The following ATRNL1 variants were observed in gnomAD, a reference collection of about 807,000 sequenced individuals.
ATRNL1 encodes the protein attractin like 1.
Under a neutral mutation model 182.7 loss-of-function variants are expected in ATRNL1, and 95 were observed. The ratio of observed to expected loss-of-function variants is 0.52; its 90% CI spans 0.44 to 0.62. The LOEUF (loss-of-function observed/expected upper bound fraction) is 0.62, where lower values mean the gene tolerates loss of function less well. Ranked by LOEUF, ATRNL1 falls within the 20% of genes least tolerant of loss-of-function variation. The pLI, the probability that ATRNL1 is intolerant of heterozygous loss-of-function variation, is 0.00. For missense variants in ATRNL1, 1,471 were observed against 1,679.5 expected (o/e 0.88, Z 2.17); for synonymous variants, 576 against 568.3 (o/e 1.01, Z -0.19).
chr10:115,547,791 C>T (rs1554994264), intron 25 of ATRNL1, among the ~76,000 whole-genome samples: 1 of 152,138 alleles, frequency 6.6e-6, no homozygotes, highest in African/African-American at 2.4e-5. Context: ...ATAGAGAAAG[C>T]ACCAGTTTAT....
At chr10:115,825,699 C>G (rs1950415026) in intron 27 of ATRNL1, among the ~76,000 whole-genome samples, 1 of 152,156 alleles carries the variant, frequency 6.6e-6, no homozygotes, top group South Asian at 2.1e-4. Context: ...GCATGCCAGA[C>G]TCTCTCTGGA....
intron 18 of ATRNL1, among the ~76,000 whole-genome samples, chr10:115,323,787 CT>C (rs1201235148): frequency 6.2e-5 from 9 of 145,718 alleles, no homozygotes; most frequent in African/African-American, 1.3e-4. Flanking sequence ...ATTTTTGTCT[CT>C]TTTTTTTTCC....
chr10:115,606,274 A>G (rs1353882424), intron 26 of ATRNL1, among the ~76,000 whole-genome samples: 7 of 152,004 alleles, frequency 4.6e-5, no homozygotes, highest in Admixed American at 2.6e-4. Context: ...ATTTTCAGCA[A>G]CACACTCATA....
At chr10:115,445,551 G>GTA (rs1491013587) in intron 21 of ATRNL1, among the ~76,000 whole-genome samples, 1 of 129,992 alleles carries the variant, frequency 7.7e-6, no homozygotes, top group African/African-American at 2.9e-5. Context: ...GTGTGTGTGT[G>GTA]TACACTTACC....
chr10:115,822,891 A>G (rs539561540), intron 27 of ATRNL1, among the ~76,000 whole-genome samples: 1 of 152,294 alleles, frequency 6.6e-6, no homozygotes, highest in South Asian at 2.1e-4. Flanking sequence ...TAACTATTCC[A>G]AACAACAGAA....
rs146582920 is a variant in ATRNL1, at chr10:115,758,232, A to G, written c.3903+30877A>G. 6.8e-3 allele frequency among the ~76,000 whole-genome samples: 1,036 copies of G among 152,040 alleles called. 14 individuals carry two copies. Among genetic ancestry groups the G allele is most frequent in the African/African-American group, 0.024 (976 of 41,486 alleles). On this transcript the variant is annotated intron_variant, in intron 27 of 28. Coordinates refer to ENST00000355044, the MANE Select transcript of ATRNL1 (RefSeq NM_207303.4). Reference sequence around the variant, plus strand: ...GCGAGAAGTTGTGATCCTTTGGAGGAGGAGAGGCCTTTTGGTTTTTGGAAT... The same window carrying G: ...GCGAGAAGTTGTGATCCTTTGGAGGGGGAGAGGCCTTTTGGTTTTTGGAAT...
chr10:115,706,917 C>A (rs1946917331), intron 26 of ATRNL1, among the ~76,000 whole-genome samples: 1 of 151,820 alleles, frequency 6.6e-6, no homozygotes, highest in African/African-American at 2.4e-5. Flanking sequence ...ACTAAGCATG[C>A]TTCTATTTCA....
At chr10:115,248,923 T>TA (rs548946693) in intron 10 of ATRNL1, among the ~76,000 whole-genome samples, 298 of 152,302 alleles carry the variant, frequency 2.0e-3, no homozygotes, top group African/African-American at 6.8e-3. Context: ...GCCTTGTACA[T>TA]ACAACCTATG....
chr10:115,420,039 A>ATTTTT (rs34280609), intron 20 of ATRNL1, among the ~76,000 whole-genome samples: 1 of 127,908 alleles, frequency 7.8e-6, no homozygotes, highest in African/African-American at 2.9e-5. Flanking sequence ...TGTCTTAACA[A>ATTTTT]TTTTTTTTTT....
At chr10:115,655,535 C>G (rs1396561359) in intron 26 of ATRNL1, among the ~76,000 whole-genome samples, 1 of 152,058 alleles carries the variant, frequency 6.6e-6, no homozygotes, top group Non-Finnish European at 1.5e-5. Context: ...ATAACTACTT[C>G]TTTTGAATTT....
chr10:115,750,344 TG>T (rs1555070358), intron 27 of ATRNL1, among the ~76,000 whole-genome samples: 2 of 151,984 alleles, frequency 1.3e-5, no homozygotes, highest in South Asian at 2.1e-4. Context: ...GAAATTTAGT[TG>T]AAAAATTGGC....
intron 24 of ATRNL1, among the ~76,000 whole-genome samples, chr10:115,511,222 G>A (rs949766620): frequency 2.6e-5 from 4 of 151,712 alleles, no homozygotes; most frequent in Non-Finnish European, 5.9e-5. Flanking sequence ...ATTATCTGTT[G>A]AAAGTTTATA....
chr10:115,935,445 T>A (rs1953527133), intron 28 of ATRNL1, among the ~76,000 whole-genome samples: 1 of 152,210 alleles, frequency 6.6e-6, no homozygotes, highest in Non-Finnish European at 1.5e-5. Flanking sequence ...TGATTTCACA[T>A]CTCTACTAAG....
intron 26 of ATRNL1, among the ~76,000 whole-genome samples, chr10:115,713,694 TATCTATCTATC>T (rs1189430716): frequency 2.6e-5 from 3 of 114,582 alleles, no homozygotes; most frequent in African/African-American, 6.1e-5. Context: ...TCTATCTATC[TATCTATCTATC>T]ATCTATCTAT....
At chr10:115,516,632 A>C (rs1411195417) in intron 24 of ATRNL1, among the ~76,000 whole-genome samples, 1 of 151,758 alleles carries the variant, frequency 6.6e-6, no homozygotes, top group Admixed American at 6.6e-5. Context: ...TGTCATGGCC[A>C]ACGACCTATG....
chr10:115,564,503 G>A (rs1853953171), intron 26 of ATRNL1, among the ~76,000 whole-genome samples: 1 of 151,656 alleles, frequency 6.6e-6, no homozygotes, highest in South Asian at 2.1e-4. Context: ...TGGCAATTTG[G>A]TATTATAAAA....
intron 22 of ATRNL1, among the ~76,000 whole-genome samples, chr10:115,463,881 G>A (rs1200836195): frequency 6.6e-6 from 1 of 151,976 alleles, no homozygotes. Flanking sequence ...AACCTGTGGG[G>A]TTCTTTGAAG....
At chr10:115,437,077 A>G (rs1232769554) in intron 21 of ATRNL1, among the ~76,000 whole-genome samples, 2 of 152,026 alleles carry the variant, frequency 1.3e-5, no homozygotes, top group East Asian at 1.9e-4. Flanking sequence ...ATTTGAAGAA[A>G]TGACTTGATA....
intron 9 of ATRNL1, among the ~76,000 whole-genome samples, chr10:115,225,666 T>C (rs1205724618): frequency 1.3e-5 from 2 of 150,918 alleles, no homozygotes; most frequent in African/African-American, 2.4e-5. Context: ...TAATGACTTA[T>C]GTGCAGGATC....
Sources: allele counts gnomAD v4.1 joint callset (sites outside exome capture counted in the v4.1 genomes callset), GRCh38; gene constraint gnomAD v4.1.1; transcripts MANE v1.5; gene names NCBI Gene and HGNC (gene_info 2026-07-23, HGNC 2026-07-21).